The following MYLK4 variants were observed in gnomAD, a reference collection of about 807,000 sequenced individuals.
The protein encoded by MYLK4 is caMLCK like.
MYLK4 carries 46 observed loss-of-function variants against 48.1 expected under a neutral mutation model. That is an observed-to-expected ratio of 0.96 (90% CI 0.75 to 1.22). The LOEUF (loss-of-function observed/expected upper bound fraction) is 1.22. Ranked by LOEUF, MYLK4 falls within the 50% of genes most tolerant of loss-of-function variation. The pLI is 0.00. For missense variants in MYLK4, 451 were observed against 486.1 expected (o/e 0.93, Z 0.68); for synonymous variants, 170 against 180.8 (o/e 0.94, Z 0.48).
chr6:2,751,855 A>C (rs1018860293), upstream of MYLK4, among the ~76,000 whole-genome samples: 5 of 152,196 alleles, frequency 3.3e-5, no homozygotes, highest in African/African-American at 1.2e-4. Flanking sequence ...AAAACACAAA[A>C]CGCTTGTTAT....
chr6:2,708,523 T>A (rs114821639), intron 2 of MYLK4, among the ~76,000 whole-genome samples: 22 of 152,338 alleles, frequency 1.4e-4, no homozygotes, highest in African/African-American at 1.9e-4. Flanking sequence ...CTCAAAAAAC[T>A]ATATTTACTT....
At position 2,685,464 on chromosome 6, in the gene MYLK4, C is replaced by A; in HGVS notation, c.435+19G>T. 6.2e-7 allele frequency: 1 copy of A among 1,612,128 alleles called. No individual in the cohort carries two copies. ...AAGATGGGGCGGGGAGGGAGGGGAC[C>A]ACCTCCCACAGGCTGTACCTTGTCC... On this transcript the variant is annotated intron_variant, in intron 5 of 12. Coordinates refer to ENST00000274643, the MANE Select transcript of MYLK4 (RefSeq NM_001012418.5). The surrounding 1 kb of genome is among the most constrained non-coding windows in gnomAD (Gnocchi z 4.5).
intron 2 of MYLK4, among the ~76,000 whole-genome samples, chr6:2,721,805 C>T (rs947376816): frequency 1.6e-4 from 24 of 152,188 alleles, no homozygotes; most frequent in African/African-American, 5.8e-4. Context: ...AAAATATAGG[C>T]CACACACAAA....
the MYLK4 span, chr6:2,766,129 G>A: frequency 2.3e-6 from 3 of 1,325,648 alleles, no homozygotes; most frequent in Non-Finnish European, 2.9e-6. Flanking sequence ...AGGAGGCCGT[G>A]GGCGACGGCG....
At chr6:2,744,161 C>T (rs1397110168) in intron 2 of MYLK4, 23 of 397,122 alleles carry the variant, frequency 5.8e-5, no homozygotes, top group Non-Finnish European at 9.8e-5. Flanking sequence ...CACCGAATTA[C>T]AGAGGGTTCT....
At chr6:2,766,402 A>C in the MYLK4 span, 1 of 1,605,726 alleles carries the variant, frequency 6.2e-7, no homozygotes, top group Non-Finnish European at 8.5e-7. Flanking sequence ...AGACCAACGA[A>C]ATCCCCTCGC....
At chr6:2,765,869 C>T in the MYLK4 span, 16 of 1,443,326 alleles carry the variant, frequency 1.1e-5, no homozygotes, top group Non-Finnish European at 1.4e-5. Context: ...GCTGAAGCAG[C>T]CAGCCACCCC....
chr6:2,745,946 CA>C (rs912589376), intron 2 of MYLK4, among the ~76,000 whole-genome samples: 31 of 142,630 alleles, frequency 2.2e-4, no homozygotes, highest in African/African-American at 7.8e-4. Flanking sequence ...AAGAAACAAA[CA>C]AACAAGAAAA....
chr6:2,738,772 G>A (rs183175310), intron 2 of MYLK4, among the ~76,000 whole-genome samples: 71 of 152,228 alleles, frequency 4.7e-4, no homozygotes, highest in African/African-American at 1.6e-3. Flanking sequence ...CACTGATAGC[G>A]CTTGTTTTCA....
At chr6:2,765,931 C>A in the MYLK4 span, 1 of 1,450,028 alleles carries the variant, frequency 6.9e-7, no homozygotes, top group African/African-American at 1.5e-5. Context: ...ACGACGGCGG[C>A]GAGACCGAGA....
the MYLK4 span, among the ~76,000 whole-genome samples, chr6:2,767,477 G>C: frequency 1.3e-5 from 2 of 152,226 alleles, no homozygotes; most frequent in Non-Finnish European, 2.9e-5. Flanking sequence ...TTTAACTCCA[G>C]TTCCTGGAAT....
At chr6:2,703,728 T>C (rs1231113544) in intron 2 of MYLK4, among the ~76,000 whole-genome samples, 1 of 131,194 alleles carries the variant, frequency 7.6e-6, no homozygotes, top group Admixed American at 9.7e-5. Context: ...TGGAGTGCAG[T>C]AGCACGATTT....
rs1464835613 is a variant in MYLK4, at chr6:2,685,402, C to T, written c.439G>A (p.Glu147Lys). 1 of 1,613,546 alleles carries T rather than the reference C, an allele frequency of 6.2e-7. No homozygotes were observed. Residue 147 changes from glutamate to lysine, a missense_variant, in exon 6 of 13, where the codon GAG (glutamate) becomes AAG (lysine). Glu to Lys is a moderately conservative substitution (Grantham distance 56, BLOSUM62 1). Transcript: ENST00000274643. This position sits in a 1 kb window ranked among gnomAD's most constrained non-coding sequence, Gnocchi z 4.5. The stretch of plus-strand genomic sequence containing the variant: ...ATGACGCTGATCTCGTTCTTCACCT[C>T]CTCCTGAGAAGCAGGAAACAGTGCA... ...IKTRGMKDKE[E>K]VKNEISVMNQ...
intron 2 of MYLK4, among the ~76,000 whole-genome samples, chr6:2,707,105 G>A (rs960602267): frequency 5.3e-5 from 8 of 152,188 alleles, no homozygotes; most frequent in Middle Eastern, 3.4e-3. Flanking sequence ...GACAGTATAC[G>A]TTTTTCTTCC....
chr6:2,678,115 G>A (rs1385120574), intron 10 of MYLK4, 105 bp downstream of exon 10: 6 of 1,389,930 alleles, frequency 4.3e-6, no homozygotes, highest in Non-Finnish European at 5.9e-6. Flanking sequence ...CTTTGCGCAA[G>A]CATCACAGAT....
At chr6:2,723,064 G>C (rs1379411684) in intron 2 of MYLK4, among the ~76,000 whole-genome samples, 1 of 152,056 alleles carries the variant, frequency 6.6e-6, no homozygotes, top group South Asian at 2.1e-4. Context: ...GGCTGAGGGG[G>C]GAGGATTGCA....
chr6:2,680,442 T>C, intron 7 of MYLK4, 151 bp from the exon 8 acceptor site: 2 of 1,495,774 alleles, frequency 1.3e-6, no homozygotes, highest in South Asian at 1.3e-5. Flanking sequence ...TACTTTCTCC[T>C]TTAATTATGT....
the MYLK4 span, chr6:2,766,523 C>T: frequency 7.7e-6 from 11 of 1,424,518 alleles, no homozygotes; most frequent in African/African-American, 1.4e-4. Context: ...GCCGGGTGTG[C>T]TGCCCTCGAA....
chr6:2,676,799 C>T (rs547780634), intron 10 of MYLK4, among the ~76,000 whole-genome samples: 2 of 152,244 alleles, frequency 1.3e-5, no homozygotes, highest in East Asian at 3.9e-4. Flanking sequence ...GCCTCAGTTT[C>T]CCCATGTGTA....
Sources: allele counts gnomAD v4.1 joint callset (sites outside exome capture counted in the v4.1 genomes callset), GRCh38; gene constraint gnomAD v4.1.1; non-coding constraint Gnocchi (gnomAD v3.1); transcripts MANE v1.5; gene names NCBI Gene and HGNC (gene_info 2026-07-23, HGNC 2026-07-21).